Variants in MICAL2 observed in about 807,000 individuals in gnomAD.
MICAL2 encodes the protein microtubule associated monooxygenase, calponin and LIM domain containing 2, also known as [F-actin]-monooxygenase MICAL2.
MICAL2 carries 77 observed loss-of-function variants against 127.3 expected under a neutral mutation model. That is an observed-to-expected ratio of 0.60 (90% CI 0.50 to 0.73). The LOEUF (loss-of-function observed/expected upper bound fraction) is 0.73. Among genes scored for constraint, MICAL2 ranks in the 30% least tolerant of loss-of-function variants. MICAL2 has a pLI of 0.00. For synonymous variants in MICAL2, 570 were observed against 551.1 expected (o/e 1.03, Z -0.48); for missense variants, 1,351 against 1,434.4 (o/e 0.94, Z 0.94).
intron 1 of MICAL2, among the ~76,000 whole-genome samples, chr11:12,130,426 C>T (rs1046874621): frequency 6.6e-6 from 1 of 152,186 alleles, no homozygotes; most frequent in Non-Finnish European, 1.5e-5. Flanking sequence ...AGTACTTACT[C>T]CCTGGGAGGC....
chr11:12,288,821 C>T (rs1863858883), downstream of MICAL2, among the ~76,000 whole-genome samples: 1 of 152,212 alleles, frequency 6.6e-6, no homozygotes, highest in Admixed American at 6.5e-5. Context: ...CTTGCAAAAC[C>T]TCCAAGTTCT....
chr11:12,314,031 G>A (rs765406090), intron 29 of MICAL2, among the ~76,000 whole-genome samples: 20 of 108,290 alleles, frequency 1.8e-4, no homozygotes, highest in Non-Finnish European at 3.1e-4. Context: ...ATGATATCCC[G>A]TTTTCCTTCT....
chr11:12,115,920 C>T (rs1010293945), intron 1 of MICAL2, among the ~76,000 whole-genome samples: 2 of 151,860 alleles, frequency 1.3e-5, no homozygotes, highest in African/African-American at 4.8e-5. Flanking sequence ...ATCATTATTT[C>T]CACGATGAAC....
chr11:12,124,796 C>G (rs17468956), intron 1 of MICAL2, among the ~76,000 whole-genome samples: 2,569 of 152,314 alleles, frequency 0.017, 32 homozygotes, highest in Non-Finnish European at 0.029. Flanking sequence ...TCCTCCACCT[C>G]GCATCTAGCA....
At chr11:12,168,986 A>G (rs964191932) in intron 3 of MICAL2, among the ~76,000 whole-genome samples, 6 of 150,702 alleles carry the variant, frequency 4.0e-5, no homozygotes, top group African/African-American at 9.7e-5. Flanking sequence ...AAAGAGAGAG[A>G]AAAAAAAAGA....
At chr11:12,137,345 T>C (rs983271960) in intron 1 of MICAL2, among the ~76,000 whole-genome samples, 7 of 152,144 alleles carry the variant, frequency 4.6e-5, no homozygotes, top group Non-Finnish European at 7.4e-5. Flanking sequence ...GGAAAGACCA[T>C]GAGCACAGGG....
chr11:12,272,786 A>G (rs1863687115), upstream of MICAL2, among the ~76,000 whole-genome samples: 1 of 152,174 alleles, frequency 6.6e-6, no homozygotes, highest in South Asian at 2.1e-4. Flanking sequence ...GCCCTCAATC[A>G]GGGACCCTGA....
intron 14 of MICAL2, among the ~76,000 whole-genome samples, chr11:12,226,731 C>T (rs1857522417): frequency 6.7e-6 from 1 of 148,746 alleles, no homozygotes; most frequent in South Asian, 2.1e-4. Flanking sequence ...CGGCTCACTG[C>T]AAGCTCTGCC....
At chr11:12,280,276 C>T (rs7947131) in intron 1 of MICAL2, among the ~76,000 whole-genome samples, 43,165 of 151,868 alleles carry the variant, frequency 0.28, 6,839 homozygotes, top group East Asian at 0.58. Context: ...ACCAGAGAGA[C>T]CTTAGGAGTC....
chr11:12,316,924 C>T (rs1864238858), intron 29 of MICAL2, among the ~76,000 whole-genome samples: 1 of 152,132 alleles, frequency 6.6e-6, no homozygotes, highest in Non-Finnish European at 1.5e-5. Context: ...TTTCTGTGGT[C>T]TCTATCAATG....
At chr11:12,285,354 A>C (rs928738821) in intron 2 of MICAL2, among the ~76,000 whole-genome samples, 1 of 152,242 alleles carries the variant, frequency 6.6e-6, no homozygotes, top group Non-Finnish European at 1.5e-5. Flanking sequence ...TTCCAGCTGC[A>C]TGACTCTTAA....
chr11:12,249,023 G>C (rs534278547), intron 21 of MICAL2, among the ~76,000 whole-genome samples, 161 bp from the exon 22 acceptor site: 4 of 152,196 alleles, frequency 2.6e-5, no homozygotes, highest in Admixed American at 1.3e-4. Flanking sequence ...ATAAAGTGGA[G>C]AGGACAGCAA....
intron 15 of MICAL2, among the ~76,000 whole-genome samples, 187 bp from the exon 16 acceptor site, chr11:12,235,990 C>T (rs1036060647): frequency 6.6e-6 from 1 of 152,248 alleles, no homozygotes; most frequent in African/African-American, 2.4e-5. Flanking sequence ...GAACAAAACC[C>T]TGTGACAGCA....
chr11:12,283,535 A>T (rs1863793959), intron 2 of MICAL2, among the ~76,000 whole-genome samples: 2 of 152,188 alleles, frequency 1.3e-5, no homozygotes, highest in Admixed American at 1.3e-4. Flanking sequence ...TACAACTTAG[A>T]TGAACCTGCA....
intron 29 of MICAL2, among the ~76,000 whole-genome samples, chr11:12,302,631 T>C (rs1864060124): frequency 6.6e-6 from 1 of 152,168 alleles, no homozygotes; most frequent in South Asian, 2.1e-4. Context: ...TTTTGCTCCC[T>C]TTTTCACTCT....
chr11:12,215,177 T>C (rs1855984140), intron 7 of MICAL2, among the ~76,000 whole-genome samples: 1 of 152,018 alleles, frequency 6.6e-6, no homozygotes, highest in Admixed American at 6.5e-5. Context: ...GGACATTGAG[T>C]GGGTTTTTCC....
At chr11:12,350,110 A>G (rs1939022346) in intron 33 of MICAL2, among the ~76,000 whole-genome samples, 1 of 152,228 alleles carries the variant, frequency 6.6e-6, no homozygotes, top group African/African-American at 2.4e-5. Context: ...AGTGCAAAGA[A>G]TCTTTAGCTG....
intron 2 of MICAL2, among the ~76,000 whole-genome samples, chr11:12,156,762 A>G (rs1261348921): frequency 6.6e-6 from 1 of 152,218 alleles, no homozygotes; most frequent in East Asian, 1.9e-4. Flanking sequence ...GGCATCTCGC[A>G]CTGCTGAGCC....
chr11:12,160,541 AC>A, intron 2 of MICAL2, among the ~76,000 whole-genome samples: 1 of 152,062 alleles, frequency 6.6e-6, no homozygotes, highest in African/African-American at 2.4e-5. Context: ...TCATTCCACC[AC>A]TGTCCCGCTC....
Sources: allele counts gnomAD v4.1 joint callset (sites outside exome capture counted in the v4.1 genomes callset), GRCh38; gene constraint gnomAD v4.1.1; transcripts MANE v1.5; gene names NCBI Gene and HGNC (gene_info 2026-07-23, HGNC 2026-07-21).